Variants in TMEFF1 observed in about 807,000 individuals in gnomAD.
TMEFF1 encodes transmembrane protein with EGF like and two follistatin like domains 1.
TMEFF1 carries 20 observed loss-of-function variants against 47.5 expected under a neutral mutation model. The observed-to-expected ratio is 0.42, with a 90% confidence interval of 0.30 to 0.61. TMEFF1 has a LOEUF of 0.61. TMEFF1 is among the 20% of genes least tolerant of loss of function. The pLI is 0.19. For missense variants in TMEFF1, 411 were observed against 471.1 expected, an observed-to-expected ratio of 0.87 and a Z score of 1.18; for synonymous variants, 162 against 166.3, an observed-to-expected ratio of 0.97 and a Z score of 0.20.
chr9:100,559,109 A>G (rs1838968174), intron 7 of TMEFF1, among the ~76,000 whole-genome samples: 1 of 152,192 alleles, frequency 6.6e-6, no homozygotes, highest in Non-Finnish European at 1.5e-5. Flanking sequence ...GAATAACACA[A>G]GCAGCTAGAT....
intron 6 of TMEFF1, 139 bp downstream of exon 6, chr9:100,548,031 A>AT (rs1271878727): frequency 9.8e-7 from 1 of 1,024,662 alleles, no homozygotes; most frequent in Admixed American, 4.2e-5. Context: ...TATATTTCAG[A>AT]TTTTTTATTA....
rs762203799 is a variant in TMEFF1, at chr9:100,576,593, T to A, written c.1136T>A (p.Met379Lys). 1.9e-6 allele frequency: 3 copies of A among 1,612,014 alleles called. No individual in the cohort carries two copies. The highest frequency in any genetic ancestry group is 2.5e-6 in the Non-Finnish European group (3 of 1,179,284). ...GHFTSDTSSR[M>K]V ...TTTACTTCAGATACGTCATCCAGAA[T>A]GGTTTAAACTGATGACTTTTATATG... The change falls in exon 10 of 10, where the codon ATG becomes AAG. Residue 379 changes from methionine to lysine, a missense_variant. By Grantham distance (95) the Met-to-Lys change is moderately conservative (BLOSUM62 -1). Coordinates refer to ENST00000374879, the MANE Select transcript of TMEFF1 (RefSeq NM_003692.5).
At chr9:100,490,865 G>GTGTGTGTGTATGTGTGTA in intron 1 of TMEFF1, among the ~76,000 whole-genome samples, 1 of 148,140 alleles carries the variant, frequency 6.8e-6, no homozygotes, top group East Asian at 2.1e-4. Context: ...GTGTGTGTGT[G>GTGTGTGTGTATGTGTGTA]TGTGTGTATG....
At chr9:100,489,275 A>C (rs1278875521) in intron 1 of TMEFF1, among the ~76,000 whole-genome samples, 4 of 151,950 alleles carry the variant, frequency 2.6e-5, no homozygotes, top group Non-Finnish European at 5.9e-5. Context: ...TGGTGCAATC[A>C]TGGCTCACTG....
rs140828352 is a variant in TMEFF1 at position 100,558,682 on chromosome 9, G to A, written c.776-2715G>A. On this transcript the variant is annotated intron_variant, in intron 7 of 9. Transcript: ENST00000374879. ...TTATTGGATAATAATTTTGTCAATG[G>A]AAAACAACAAAGATACAATTTATAA... 3.4e-3 allele frequency among the ~76,000 whole-genome samples: 510 copies of A among 151,874 alleles called. 3 individuals are homozygous for A. The highest frequency in any genetic ancestry group is 0.012 in the African/African-American group (480 of 41,448).
intron 7 of TMEFF1, among the ~76,000 whole-genome samples, chr9:100,559,634 ACT>A (rs144304472): frequency 0.05 from 7,575 of 152,200 alleles, 381 homozygotes; most frequent in South Asian, 0.22. Context: ...GTTTCTATTT[ACT>A]TTTTAAAATC....
chr9:100,480,498 AC>A (rs545300462), intron 1 of TMEFF1, among the ~76,000 whole-genome samples: 28 of 152,232 alleles, frequency 1.8e-4, no homozygotes, highest in Non-Finnish European at 3.7e-4. Flanking sequence ...TTGCCTCTGA[AC>A]GAATTAAATT....
At chr9:100,513,990 A>G (rs779766859) in intron 4 of TMEFF1, among the ~76,000 whole-genome samples, 11 of 152,244 alleles carry the variant, frequency 7.2e-5, no homozygotes, top group Non-Finnish European at 1.3e-4. Flanking sequence ...GTAATAGCAT[A>G]TAATGGAGTT....
intron 8 of TMEFF1, among the ~76,000 whole-genome samples, chr9:100,562,581 T>C (rs1839036782): frequency 6.6e-6 from 1 of 152,182 alleles, no homozygotes; most frequent in Non-Finnish European, 1.5e-5. Context: ...TTTGTGAACA[T>C]TTAAAAAATC....
intron 7 of TMEFF1, among the ~76,000 whole-genome samples, chr9:100,560,011 G>GT (rs376333761): frequency 1.1e-4 from 16 of 151,968 alleles, no homozygotes; most frequent in Admixed American, 6.6e-5. Flanking sequence ...GGTTCTCAGG[G>GT]TTTTTTTACA....
At chr9:100,522,318 G>T (rs1277017003) in intron 5 of TMEFF1, among the ~76,000 whole-genome samples, 3 of 151,364 alleles carry the variant, frequency 2.0e-5, no homozygotes, top group Non-Finnish European at 4.4e-5. Flanking sequence ...AGATTATAAT[G>T]GAAAAATAAT....
intron 1 of TMEFF1, among the ~76,000 whole-genome samples, chr9:100,494,451 C>T (rs1837615240): frequency 6.6e-6 from 1 of 152,046 alleles, no homozygotes; most frequent in African/African-American, 2.4e-5. Context: ...CATTTATATA[C>T]ATTATTTTCT....
intron 2 of TMEFF1, among the ~76,000 whole-genome samples, chr9:100,499,671 G>A (rs1837722322): frequency 6.6e-6 from 1 of 152,110 alleles, no homozygotes. Flanking sequence ...TGTGACCTCA[G>A]GCAAATTTCT....
At chr9:100,513,910 CCTAT>C (rs1275097057) in intron 4 of TMEFF1, among the ~76,000 whole-genome samples, 11 of 152,190 alleles carry the variant, frequency 7.2e-5, no homozygotes, top group East Asian at 3.9e-4. Flanking sequence ...TTAACAATTT[CCTAT>C]CTATGTTTTT....
At chr9:100,570,504 A>G (rs149748334) in intron 8 of TMEFF1, among the ~76,000 whole-genome samples, 26 of 152,228 alleles carry the variant, frequency 1.7e-4, no homozygotes, top group African/African-American at 4.8e-4. Flanking sequence ...GTGTGTGGAT[A>G]TCCAGTTAGC....
intron 1 of TMEFF1, among the ~76,000 whole-genome samples, chr9:100,475,524 T>G (rs1299997638): frequency 3.3e-5 from 5 of 152,228 alleles, no homozygotes; most frequent in African/African-American, 4.8e-5. Context: ...ACCATGTCAA[T>G]ATTTTTCCAG....
intron 5 of TMEFF1, among the ~76,000 whole-genome samples, chr9:100,524,548 T>C (rs1196347319): frequency 6.6e-6 from 1 of 152,168 alleles, no homozygotes; most frequent in Non-Finnish European, 1.5e-5. Context: ...TCACTATAGT[T>C]GAGGCATCTG....
At chr9:100,483,549 A>G (rs1837383621) in intron 1 of TMEFF1, among the ~76,000 whole-genome samples, 1 of 152,006 alleles carries the variant, frequency 6.6e-6, no homozygotes, top group Non-Finnish European at 1.5e-5. Flanking sequence ...ATTGTATTCT[A>G]GTATGAAAAC....
chr9:100,526,612 A>G (rs1751835291), intron 5 of TMEFF1, among the ~76,000 whole-genome samples: 1 of 152,244 alleles, frequency 6.6e-6, no homozygotes, highest in Non-Finnish European at 1.5e-5. Context: ...GTTTTGGTAC[A>G]TATACGTTAT....
Sources: gnomAD v4.1 joint callset for allele counts (sites outside exome capture counted in the v4.1 genomes callset) on GRCh38, gnomAD v4.1.1 for gene constraint, MANE v1.5 for transcripts, NCBI Gene and HGNC (gene_info 2026-07-23, HGNC 2026-07-21) for gene names.